The following MRTFB variants were observed in gnomAD, a reference collection of about 807,000 sequenced individuals.
The protein encoded by MRTFB is myocardin related transcription factor B, also known as myocardin-related transcription factor B.
A neutral mutation model predicts 104.2 loss-of-function variants in MRTFB; 29 were observed. The observed-to-expected ratio is 0.28, with a 90% confidence interval of 0.21 to 0.38. The LOEUF (loss-of-function observed/expected upper bound fraction) is 0.38, where lower values mean the gene tolerates loss of function less well. MRTFB is among the 10% of genes least tolerant of loss of function. The pLI is 1.00. For missense variants in MRTFB, 1,270 were observed against 1,341.6 expected (o/e 0.95, Z 0.83); for synonymous variants, 535 against 519.5 (o/e 1.03, Z -0.41).
At chr16:13,997,288 T>C in the MRTFB span, among the ~76,000 whole-genome samples, 2 of 152,248 alleles carry the variant, frequency 1.3e-5, no homozygotes, top group African/African-American at 2.4e-5. Flanking sequence ...TCTGTACTAA[T>C]GTGAGGGCAA....
At chr16:14,129,524 G>A (rs1329075114) in intron 2 of MRTFB, among the ~76,000 whole-genome samples, 1 of 152,178 alleles carries the variant, frequency 6.6e-6, no homozygotes, top group African/African-American at 2.4e-5. Context: ...CAAATTTTCA[G>A]ATGGACATAT....
chr16:14,160,699 C>G (rs962672342), intron 3 of MRTFB, among the ~76,000 whole-genome samples: 5 of 151,752 alleles, frequency 3.3e-5, no homozygotes, highest in Admixed American at 1.3e-4. Context: ...AAAAAAAAAG[C>G]TTTCTTTTCA....
At chr16:14,161,072 G>A (rs1412955922) in intron 3 of MRTFB, among the ~76,000 whole-genome samples, 1 of 140,664 alleles carries the variant, frequency 7.1e-6, no homozygotes, top group African/African-American at 2.8e-5. Context: ...TGTTTTAGTA[G>A]GTAATGCCAG....
intron 3 of MRTFB, among the ~76,000 whole-genome samples, chr16:14,173,703 A>G (rs2039492957): frequency 6.6e-6 from 1 of 152,162 alleles, no homozygotes; most frequent in African/African-American, 2.4e-5. Flanking sequence ...CTCCACTTGC[A>G]TGTAAAATAG....
At chr16:14,158,627 AT>A (rs1271682665) in intron 3 of MRTFB, among the ~76,000 whole-genome samples, 2 of 152,188 alleles carry the variant, frequency 1.3e-5, no homozygotes, top group Admixed American at 6.5e-5. Flanking sequence ...AGATGCTTTT[AT>A]TTTTTATGTA....
intron 3 of MRTFB, among the ~76,000 whole-genome samples, chr16:14,169,593 A>G (rs1434128463): frequency 1.3e-5 from 2 of 152,104 alleles, no homozygotes; most frequent in East Asian, 1.9e-4. Flanking sequence ...TTATCTCTCT[A>G]TGAGCAAAAA....
chr16:14,212,692 AAC>A (rs1352716016), intron 5 of MRTFB, among the ~76,000 whole-genome samples: 3 of 152,190 alleles, frequency 2.0e-5, no homozygotes, highest in Non-Finnish European at 4.4e-5. Context: ...AGAGCATAAC[AAC>A]AGTTTTTAGA....
intron 11 of MRTFB, 57 bp downstream of exon 11, chr16:14,245,717 T>C (rs1156928984): frequency 1.3e-6 from 2 of 1,561,498 alleles, no homozygotes; most frequent in African/African-American, 2.8e-5. Flanking sequence ...TGTAAATGAT[T>C]TGCCAGCGTT....
At chr16:14,129,466 T>A (rs1468630557) in intron 2 of MRTFB, among the ~76,000 whole-genome samples, 1 of 152,262 alleles carries the variant, frequency 6.6e-6, no homozygotes, top group Non-Finnish European at 1.5e-5. Flanking sequence ...TTGATGAACA[T>A]TTAATGTTTT....
intron 2 of MRTFB, among the ~76,000 whole-genome samples, chr16:14,079,645 G>C (rs77636706): frequency 0.017 from 2,626 of 152,130 alleles, 87 homozygotes; most frequent in African/African-American, 0.059. Context: ...TAGCTGTTTG[G>C]TGGTTATATA....
intron 3 of MRTFB, among the ~76,000 whole-genome samples, chr16:14,199,200 T>TA (rs2040572837): frequency 6.6e-6 from 1 of 152,200 alleles, no homozygotes; most frequent in Non-Finnish European, 1.5e-5. Context: ...TAAAAACTCT[T>TA]ACACACACCC....
intron 3 of MRTFB, among the ~76,000 whole-genome samples, chr16:14,179,432 C>G (rs1255790428): frequency 6.6e-6 from 1 of 152,140 alleles, no homozygotes; most frequent in Non-Finnish European, 1.5e-5. Flanking sequence ...AATACTCATC[C>G]AGGTGATCAA....
the MRTFB span, among the ~76,000 whole-genome samples, chr16:14,035,192 A>G: frequency 5.6e-4 from 86 of 152,332 alleles, no homozygotes; most frequent in African/African-American, 1.8e-3. Flanking sequence ...AGGAGACTGC[A>G]TAAGATTGCG....
rs1350052387 is a variant in MRTFB at position 14,200,524 on chromosome 16, G to A, written c.155-9719G>A. ...TCATCGTCTGTCTTCTCTGTGAATT[G>A]CTCAGCAGCAGCTTTATTACCTGTA... On this transcript the variant is annotated intron_variant, in intron 3 of 16. Transcript: ENST00000571589. 2.5e-6 allele frequency: 4 copies of A among 1,609,710 alleles called. No individual in the cohort carries two copies. In the Admixed American group the frequency reaches 5.0e-5, roughly 20 times the overall value.
the MRTFB span, among the ~76,000 whole-genome samples, chr16:14,035,829 A>G: frequency 0.9 from 136,543 of 151,774 alleles, 61,534 homozygotes; most frequent in East Asian, 1. Flanking sequence ...CTCATCACCT[A>G]AGCAGTACAC....
chr16:14,180,810 G>C (rs77653099), intron 3 of MRTFB, among the ~76,000 whole-genome samples: 4 of 152,160 alleles, frequency 2.6e-5, no homozygotes, highest in Non-Finnish European at 5.9e-5. Context: ...GGGGAGGGAG[G>C]TGCTGAATGT....
At chr16:14,209,540 G>GA (rs1178402370) in intron 3 of MRTFB, among the ~76,000 whole-genome samples, 1 of 151,976 alleles carries the variant, frequency 6.6e-6, no homozygotes, top group Non-Finnish European at 1.5e-5. Context: ...GAGAAAACTA[G>GA]AAAAAAATTA....
chr16:14,203,896 T>A (rs12325143), intron 3 of MRTFB, among the ~76,000 whole-genome samples: 2,074 of 152,118 alleles, frequency 0.014, 48 homozygotes, highest in African/African-American at 0.045. Context: ...CATGTGAAAT[T>A]TTTGAATTAG....
chr16:14,091,956 C>G (rs2035095413), intron 2 of MRTFB, among the ~76,000 whole-genome samples: 1 of 136,940 alleles, frequency 7.3e-6, no homozygotes, highest in African/African-American at 2.6e-5. Context: ...GATCATGCCA[C>G]TGCCCTCCAG....
Sources: allele counts gnomAD v4.1 joint callset (sites outside exome capture counted in the v4.1 genomes callset), GRCh38; gene constraint gnomAD v4.1.1; transcripts MANE v1.5; gene names NCBI Gene and HGNC (gene_info 2026-07-23, HGNC 2026-07-21).